Variants in CADM2 observed in about 807,000 individuals in gnomAD.
The protein encoded by CADM2 is immunoglobulin superfamily member 4D.
A neutral mutation model predicts 49.8 loss-of-function variants in CADM2; 12 were observed. That is an observed-to-expected ratio of 0.24 (90% CI 0.15 to 0.39). CADM2 has a LOEUF of 0.39. Among genes scored for constraint, CADM2 ranks in the 10% least tolerant of loss-of-function variants. The probability of loss-of-function intolerance (pLI) is 1.00; values close to 1 mark genes in which losing one functional copy is unlikely to be tolerated. For missense variants in CADM2, 378 were observed against 492.3 expected, an observed-to-expected ratio of 0.77 and a Z score of 2.20; for synonymous variants, 214 against 175.4, an observed-to-expected ratio of 1.22 and a Z score of -1.74.
At position 84,963,457 on chromosome 3, in the gene CADM2, G is replaced by A. The variant is rs74745315; in HGVS notation, c.61+3789G>A. ...GCAAAATATAACAAGAAATAATCATGCATACATGCATACAAGACCTCATTT... is the reference window on the plus strand; with the variant it reads ...GCAAAATATAACAAGAAATAATCATACATACATGCATACAAGACCTCATTT... On this transcript the variant is annotated intron_variant, in intron 1 of 9. Transcript: ENST00000383699. 5.8e-3 allele frequency among the ~76,000 whole-genome samples: 878 copies of A among 152,254 alleles called. 2 individuals carry two copies. Among genetic ancestry groups the A allele is most frequent in the Middle Eastern group, 0.01 (3 of 294 alleles).
chr3:85,505,625 C>T (rs1307588776), intron 1 of CADM2, among the ~76,000 whole-genome samples: 2 of 152,112 alleles, frequency 1.3e-5, no homozygotes, highest in Non-Finnish European at 2.9e-5. Context: ...GCAACTAAGT[C>T]ACAGAACCTT....
intron 1 of CADM2, among the ~76,000 whole-genome samples, chr3:85,348,747 T>C (rs1373241081): frequency 6.6e-6 from 1 of 152,130 alleles, no homozygotes. Context: ...GAGTTTTACC[T>C]AAAAACTTGA....
intron 1 of CADM2, among the ~76,000 whole-genome samples, chr3:85,404,779 T>C (rs1484125055): frequency 6.6e-6 from 1 of 152,148 alleles, no homozygotes; most frequent in Non-Finnish European, 1.5e-5. Flanking sequence ...ATGTAAAAAA[T>C]TTCCTGTCAG....
At chr3:85,731,765 TTAAA>T (rs1311435083) in intron 2 of CADM2, among the ~76,000 whole-genome samples, 5 of 152,076 alleles carry the variant, frequency 3.3e-5, no homozygotes, top group Non-Finnish European at 5.9e-5. Flanking sequence ...AATGATATTA[TTAAA>T]TAATTTCAAC....
chr3:85,255,035 A>G (rs2042853904), intron 1 of CADM2, among the ~76,000 whole-genome samples: 1 of 152,120 alleles, frequency 6.6e-6, no homozygotes, highest in Non-Finnish European at 1.5e-5. Context: ...ATGAAAATAT[A>G]TTAAAACTCA....
intron 3 of CADM2, among the ~76,000 whole-genome samples, chr3:85,811,498 T>C (rs1275163277): frequency 6.6e-6 from 1 of 152,216 alleles, no homozygotes; most frequent in Non-Finnish European, 1.5e-5. Flanking sequence ...TTATCGCAGC[T>C]CACTGATATT....
chr3:85,031,306 T>C (rs2034967270), intron 1 of CADM2, among the ~76,000 whole-genome samples: 1 of 152,196 alleles, frequency 6.6e-6, no homozygotes, highest in African/African-American at 2.4e-5. Context: ...TTGCAGGGCA[T>C]AGCGCAGGTA....
chr3:85,571,162 T>G (rs954327828), intron 1 of CADM2, among the ~76,000 whole-genome samples: 8 of 152,294 alleles, frequency 5.3e-5, no homozygotes, highest in African/African-American at 1.9e-4. Context: ...AGTGATGATT[T>G]CATACAAAGA....
At chr3:85,109,162 T>A (rs1385176648) in intron 1 of CADM2, among the ~76,000 whole-genome samples, 1 of 152,002 alleles carries the variant, frequency 6.6e-6, no homozygotes. Context: ...TTAAAAAAAC[T>A]TTTCATGGTT....
chr3:85,520,744 A>G (rs901667049), intron 1 of CADM2, among the ~76,000 whole-genome samples: 5 of 152,096 alleles, frequency 3.3e-5, no homozygotes, highest in Non-Finnish European at 7.4e-5. Context: ...ACATTAATTA[A>G]AAAAATGAAA....
At chr3:85,727,256 A>G (rs980275938) in intron 2 of CADM2, among the ~76,000 whole-genome samples, 4 of 152,094 alleles carry the variant, frequency 2.6e-5, no homozygotes, top group African/African-American at 9.7e-5. Flanking sequence ...TGCTTCTTAA[A>G]TAGCAAAAGA....
chr3:86,021,849 A>G (rs1402364915), intron 8 of CADM2, among the ~76,000 whole-genome samples: 2 of 152,234 alleles, frequency 1.3e-5, no homozygotes, highest in Admixed American at 6.5e-5. Flanking sequence ...ATGGAAAGAT[A>G]TAAGTCAAGA....
chr3:86,012,699 C>T, intron 8 of CADM2: 1 of 1,162,002 alleles, frequency 8.6e-7, no homozygotes, highest in Non-Finnish European at 1.3e-6. Context: ...GAAGATAAAA[C>T]ACCTGATCGG....
At chr3:85,908,558 A>G (rs1717122083) in intron 5 of CADM2, among the ~76,000 whole-genome samples, 1 of 152,008 alleles carries the variant, frequency 6.6e-6, no homozygotes, top group Admixed American at 6.6e-5. Context: ...ATATTTAAAA[A>G]TTTTATTATA....
chr3:85,160,330 G>C (rs1368186322), intron 1 of CADM2, among the ~76,000 whole-genome samples: 2 of 151,794 alleles, frequency 1.3e-5, no homozygotes, highest in African/African-American at 4.8e-5. Flanking sequence ...CAATCTCTCT[G>C]TAATTCATTA....
intron 1 of CADM2, among the ~76,000 whole-genome samples, chr3:85,296,675 T>G (rs1220308117): frequency 2.0e-5 from 3 of 152,070 alleles, no homozygotes; most frequent in Non-Finnish European, 4.4e-5. Flanking sequence ...CCAAACTAAA[T>G]TTCCAGCTTC....
At chr3:86,003,239 A>T (rs770757440) in intron 8 of CADM2, among the ~76,000 whole-genome samples, 1 of 152,146 alleles carries the variant, frequency 6.6e-6, no homozygotes, top group Non-Finnish European at 1.5e-5. Flanking sequence ...CTGTGAAGAA[A>T]ACTGACTACG....
At chr3:85,742,574 G>A (rs976692601) in intron 2 of CADM2, among the ~76,000 whole-genome samples, 4 of 152,120 alleles carry the variant, frequency 2.6e-5, no homozygotes, top group African/African-American at 4.8e-5. Context: ...TTATTTGATA[G>A]AGTAGTTATT....
At chr3:85,921,549 G>A (rs1404659991) in intron 6 of CADM2, among the ~76,000 whole-genome samples, 2 of 151,746 alleles carry the variant, frequency 1.3e-5, no homozygotes, top group Non-Finnish European at 2.9e-5. Flanking sequence ...AAGTACAGAG[G>A]GTTCCCATAT....
Sources: gnomAD v4.1 joint callset for allele counts (sites outside exome capture counted in the v4.1 genomes callset) on GRCh38, gnomAD v4.1.1 for gene constraint, MANE v1.5 for transcripts, NCBI Gene and HGNC (gene_info 2026-07-23, HGNC 2026-07-21) for gene names.